COMMD1: variants seen among roughly 807,000 people sequenced by gnomAD.
COMMD1 encodes copper metabolism domain containing 1.
COMMD1 carries 10 observed loss-of-function variants against 17.2 expected under a neutral mutation model. That is an observed-to-expected ratio of 0.58 (90% CI 0.36 to 0.99). The LOEUF (loss-of-function observed/expected upper bound fraction) is 0.99, where lower values mean the gene tolerates loss of function less well. Ranked by LOEUF, COMMD1 falls within the 50% of genes least tolerant of loss-of-function variation. The pLI, the probability that COMMD1 is intolerant of heterozygous loss-of-function variation, is 0.01. For synonymous variants in COMMD1, 97 were observed against 91.6 expected (o/e 1.06, Z -0.34); for missense variants, 270 against 231.8 (o/e 1.17, Z -1.07).
chr2:61,913,102 C>T (rs1572954921), intron 1 of COMMD1, among the ~76,000 whole-genome samples: 1 of 152,112 alleles, frequency 6.6e-6, no homozygotes. Flanking sequence ...GGTGCAGTGG[C>T]TCATGCCTGT....
intron 1 of COMMD1, among the ~76,000 whole-genome samples, chr2:61,973,695 T>C (rs550995794): frequency 6.6e-6 from 1 of 152,168 alleles, no homozygotes; most frequent in Non-Finnish European, 1.5e-5. Flanking sequence ...ATGTCAGTAG[T>C]ATTTTGCTTT....
intron 1 of COMMD1, among the ~76,000 whole-genome samples, chr2:61,926,252 T>G (rs1558523927): frequency 6.6e-6 from 1 of 152,178 alleles, no homozygotes; most frequent in Non-Finnish European, 1.5e-5. Context: ...ATTACAGGTG[T>G]GAGCCACTGC....
chr2:61,893,959 A>G (rs952409841), intron 1 of COMMD1, among the ~76,000 whole-genome samples: 4 of 152,160 alleles, frequency 2.6e-5, no homozygotes, highest in African/African-American at 9.7e-5. Context: ...ACTACTCACG[A>G]AGTTCAGGTA....
chr2:62,065,364 T>A (rs1417940815), intron 2 of COMMD1, among the ~76,000 whole-genome samples: 5 of 81,812 alleles, frequency 6.1e-5, no homozygotes, highest in South Asian at 4.1e-4. Context: ...TTTTTTTTTT[T>A]AGATAGGGTC....
upstream of COMMD1, among the ~76,000 whole-genome samples, chr2:61,903,324 A>G (rs1471246596): frequency 6.6e-6 from 1 of 151,710 alleles, no homozygotes; most frequent in Non-Finnish European, 1.5e-5. Flanking sequence ...CATGCCTATA[A>G]TCCCAGCTAC....
At chr2:61,949,735 G>C (rs1202971164) in intron 1 of COMMD1, among the ~76,000 whole-genome samples, 1 of 152,246 alleles carries the variant, frequency 6.6e-6, no homozygotes, top group Non-Finnish European at 1.5e-5. Flanking sequence ...TTGACACTGG[G>C]TAGGTGATGC....
Position 61,998,518 on chromosome 2 carries a change from C to T in COMMD1, c.181-2183C>T, listed in dbSNP as rs1668833522. The stretch of plus-strand genomic sequence containing the variant: ...CAAGTGATCTGCCCAATTCGGCCTC[C>T]CAAAGTGCTGGGATTACAGGCGTGA... On this transcript the variant is annotated intron_variant, in intron 1 of 2. Transcript: ENST00000311832. 2.0e-5 allele frequency among the ~76,000 whole-genome samples: 3 copies of T among 152,132 alleles called. No individual in the cohort carries two copies. In the South Asian group the frequency reaches 6.2e-4, roughly 32 times the overall value.
intron 2 of COMMD1, among the ~76,000 whole-genome samples, chr2:62,082,074 G>A (rs1042435672): frequency 6.6e-6 from 1 of 152,074 alleles, no homozygotes; most frequent in Non-Finnish European, 1.5e-5. Flanking sequence ...AATTAACCTT[G>A]TATCCATTAG....
At chr2:62,135,419 C>T (rs955371059) in intron 2 of COMMD1, among the ~76,000 whole-genome samples, 1 of 151,410 alleles carries the variant, frequency 6.6e-6, no homozygotes, top group Admixed American at 6.6e-5. Context: ...GGCCCGATCT[C>T]GGCTCACTGC....
intron 1 of COMMD1, among the ~76,000 whole-genome samples, chr2:61,997,768 C>T (rs768773849): frequency 4.5e-4 from 68 of 152,160 alleles, no homozygotes; most frequent in Non-Finnish European, 6.9e-4. Context: ...TCACCAGCTG[C>T]GTTAGCCCCT....
intron 1 of COMMD1, among the ~76,000 whole-genome samples, chr2:61,895,838 T>C (rs1046339075): frequency 1.7e-4 from 26 of 152,252 alleles, no homozygotes; most frequent in Non-Finnish European, 3.7e-4. Flanking sequence ...AGGCGCATTG[T>C]CTGCAGACCT....
chr2:61,986,433 G>T (rs535874743), intron 1 of COMMD1, among the ~76,000 whole-genome samples: 1 of 151,804 alleles, frequency 6.6e-6, no homozygotes, highest in South Asian at 2.1e-4. Flanking sequence ...CTAGGTTGGG[G>T]ATGTTCTGTG....
intron 1 of COMMD1, among the ~76,000 whole-genome samples, chr2:61,965,411 A>G (rs1378162071): frequency 1.3e-5 from 2 of 152,230 alleles, no homozygotes; most frequent in African/African-American, 4.8e-5. Flanking sequence ...CAGATACCAA[A>G]TAGGACCTTC....
At chr2:62,105,317 T>G (rs1202482805) in intron 2 of COMMD1, among the ~76,000 whole-genome samples, 1 of 152,144 alleles carries the variant, frequency 6.6e-6, no homozygotes, top group African/African-American at 2.4e-5. Context: ...CCTATACTAA[T>G]TTTGTTTGGG....
At chr2:62,042,572 C>G (rs570352231) in intron 2 of COMMD1, among the ~76,000 whole-genome samples, 8 of 152,160 alleles carry the variant, frequency 5.3e-5, no homozygotes, top group African/African-American at 1.2e-4. Flanking sequence ...CCGCGAGCGC[C>G]GAGCGCAGCC....
At chr2:61,919,434 G>C (rs1670129815) in intron 1 of COMMD1, among the ~76,000 whole-genome samples, 1 of 151,688 alleles carries the variant, frequency 6.6e-6, no homozygotes, top group African/African-American at 2.4e-5. Context: ...TCCCACCTCA[G>C]CCTCTCAAGT....
intron 2 of COMMD1, among the ~76,000 whole-genome samples, chr2:62,005,033 A>G (rs1184738218): frequency 6.6e-6 from 1 of 152,184 alleles, no homozygotes; most frequent in East Asian, 1.9e-4. Flanking sequence ...GTAGTTCTCA[A>G]CCATGGTCAC....
chr2:62,116,056 A>G (rs1558605906), intron 2 of COMMD1, among the ~76,000 whole-genome samples: 2 of 151,998 alleles, frequency 1.3e-5, no homozygotes, highest in Admixed American at 1.3e-4. Flanking sequence ...CGTGTTGCCC[A>G]GGCTGGTTTT....
chr2:62,038,582 C>G (rs867521036), intron 2 of COMMD1, among the ~76,000 whole-genome samples: 6 of 151,786 alleles, frequency 4.0e-5, no homozygotes, highest in Middle Eastern at 3.2e-3. Flanking sequence ...GAGTCTTGCT[C>G]TGTTGCCCAG....
Sources: gnomAD v4.1 joint callset for allele counts (sites outside exome capture counted in the v4.1 genomes callset) on GRCh38, gnomAD v4.1.1 for gene constraint, MANE v1.5 for transcripts, NCBI Gene and HGNC (gene_info 2026-07-23, HGNC 2026-07-21) for gene names.